The following SIAH3 variants were observed in gnomAD, a reference collection of about 807,000 sequenced individuals.
SIAH3 encodes siah E3 ubiquitin protein ligase family member 3, also known as seven in absentia homolog 3.
SIAH3 carries 9 observed loss-of-function variants against 12.6 expected under a neutral mutation model. The observed-to-expected ratio is 0.72, with a 90% CI of 0.43 to 1.25. The LOEUF (loss-of-function observed/expected upper bound fraction) is 1.25. SIAH3 is among the 50% of genes most tolerant of loss of function. The pLI is 0.00. For synonymous variants in SIAH3, 154 were observed against 151.1 expected (o/e 1.02, Z -0.14); for missense variants, 390 against 365.4 (o/e 1.07, Z -0.55).
At chr13:45,827,661 C>G (rs1042387267) in intron 1 of SIAH3, among the ~76,000 whole-genome samples, 2 of 152,120 alleles carry the variant, frequency 1.3e-5, no homozygotes, top group Non-Finnish European at 2.9e-5. Context: ...TAATGAGTCC[C>G]ATAGGCTTCA....
At position 45,779,494 on chromosome 13, in the gene SIAH3, G is replaced by A. The variant is rs1479645288; in HGVS notation, c.*3889C>T. 1 of 152,112 alleles carries A rather than the reference G, an allele frequency of 6.6e-6. No homozygotes were observed. The highest frequency in any genetic ancestry group is 1.5e-5 in the Non-Finnish European group (1 of 68,028). 9.4% of individuals were successfully genotyped at this position (152,112 alleles called of 1,614,324 possible). On this transcript the variant is annotated 3_prime_UTR_variant, in exon 2 of 2. Transcript: ENST00000400405. ...TCACACTTTATGACTCGGTCCTTCT[G>A]AGCCTTGGGTCCATATGTTCATAGA...
rs1950489895 is a variant in SIAH3 at position 45,777,833 on chromosome 13, C to T, written c.*5550G>A. On this transcript the variant is annotated 3_prime_UTR_variant, in exon 2 of 2. Transcript: ENST00000400405. ...CATCCAAGTAGAAACTTCAGCAACC[C>T]TCACTTCTTCCATCCCTTCCACTGA... is the stretch of plus-strand genomic sequence containing the variant. The T allele has an allele frequency of 1.3e-5, 2 of 152,242 alleles. No individual in the cohort carries two copies. Among genetic ancestry groups the T allele is most frequent in the Admixed American group, 6.5e-5 (1 of 15,282 alleles). The allele number at this position is 152,242 out of a possible 1,614,324, so 9.4% of individuals were successfully genotyped here.
intron 1 of SIAH3, among the ~76,000 whole-genome samples, chr13:45,851,054 C>T (rs1950779499): frequency 6.8e-6 from 1 of 146,360 alleles, no homozygotes; most frequent in Admixed American, 6.8e-5. Context: ...TTCCTCACCC[C>T]CCAGTAGCTT....
In SIAH3 at chr13:45,784,054, C is replaced by T; in HGVS notation, c.139G>A (p.Val47Met). 1.3e-6 allele frequency: 2 copies of T among 1,575,666 alleles called. No homozygotes were observed. Among genetic ancestry groups the T allele is most frequent in the South Asian group, 1.2e-5 (1 of 82,900 alleles). ...VVNPTHNLKY[V>M]SSRRAVTQSA... is the part of the protein sequence containing the mutation. ...TGAGTGACGGCGCGCCGACTGGACA[C>T]ATACTGTAAGGAAAGAGAAGAACGT... The change falls in exon 2 of 2, where the codon GTG becomes ATG. Residue 47 changes from valine to methionine, a missense_variant. Physicochemically the swap from Val to Met is conservative, Grantham distance 21 (BLOSUM62 1). Transcript: ENST00000400405.
intron 1 of SIAH3, 124 bp from the exon 2 acceptor site, chr13:45,784,181 TAAAC>T: frequency 1.1e-6 from 1 of 900,986 alleles, no homozygotes; most frequent in East Asian, 2.6e-5. Flanking sequence ...GTTCATTTCT[TAAAC>T]AACAAACAAA....
intron 1 of SIAH3, among the ~76,000 whole-genome samples, chr13:45,828,200 G>A (rs561465599): frequency 1.4e-4 from 21 of 152,240 alleles, no homozygotes; most frequent in African/African-American, 4.8e-4. Flanking sequence ...CTGACCTATG[G>A]GAGTGCTCTG....
At chr13:45,831,409 T>C (rs68065966) in intron 1 of SIAH3, among the ~76,000 whole-genome samples, 27,478 of 151,654 alleles carry the variant, frequency 0.18, 3,906 homozygotes, top group East Asian at 0.4. Context: ...ATGCGCAAAT[T>C]GATATTTGTA....
chr13:45,803,127 G>A (rs925530781), intron 1 of SIAH3, among the ~76,000 whole-genome samples: 1 of 151,996 alleles, frequency 6.6e-6, no homozygotes, highest in Admixed American at 6.6e-5. Context: ...GTGGGCAGGA[G>A]TGCCTTAATC....
chr13:45,840,831 G>T (rs982283924), intron 1 of SIAH3, among the ~76,000 whole-genome samples: 1 of 152,160 alleles, frequency 6.6e-6, no homozygotes, highest in Non-Finnish European at 1.5e-5. Context: ...ATCAAGACGC[G>T]CTTTAAAGCA....
chr13:45,779,960 A>G lies in SIAH3; in HGVS notation c.*3423T>C, dbSNP rs1281790998. 1 of 152,002 alleles carries G rather than the reference A, an allele frequency of 6.6e-6. No homozygotes were observed. Among genetic ancestry groups the G allele is most frequent in the Non-Finnish European group, 1.5e-5 (1 of 67,984 alleles). The allele number at this position is 152,002 out of a possible 1,614,324, so 9.4% of individuals were successfully genotyped here. A position where few individuals can be genotyped will look rare whatever the true frequency, so the allele number is the denominator to read the frequency against. On this transcript the variant is annotated 3_prime_UTR_variant, in exon 2 of 2. Transcript: ENST00000400405. Reference sequence around the variant, plus strand: ...AGGGGAGGAATGCTCCTCTCTCCACACCTCCTGAAAAAAACCTCTGGCAGA... The same window carrying G: ...AGGGGAGGAATGCTCCTCTCTCCACGCCTCCTGAAAAAAACCTCTGGCAGA...
intron 1 of SIAH3, among the ~76,000 whole-genome samples, chr13:45,842,231 C>T (rs185432363): frequency 1.3e-5 from 2 of 152,326 alleles, no homozygotes; most frequent in East Asian, 3.9e-4. Context: ...ACTTGGGTCA[C>T]ATTTTGTGCA....
At chr13:45,797,141 T>C (rs1394804379) in intron 1 of SIAH3, among the ~76,000 whole-genome samples, 2 of 119,914 alleles carry the variant, frequency 1.7e-5, no homozygotes, top group Admixed American at 7.4e-5. Flanking sequence ...ATCGTCTCTA[T>C]GCAGGTTTTT....
At chr13:45,794,734 C>A (rs1385414371) in intron 1 of SIAH3, among the ~76,000 whole-genome samples, 1 of 152,156 alleles carries the variant, frequency 6.6e-6, no homozygotes, top group Non-Finnish European at 1.5e-5. Context: ...AAACTGAGTC[C>A]ATTAAGCCTC....
chr13:45,835,209 GTGA>G (rs1950713732), intron 1 of SIAH3, among the ~76,000 whole-genome samples: 1 of 152,180 alleles, frequency 6.6e-6, no homozygotes, highest in Non-Finnish European at 1.5e-5. Flanking sequence ...TATTGTGATA[GTGA>G]CTATTTCCCA....
intron 1 of SIAH3, among the ~76,000 whole-genome samples, chr13:45,792,360 A>T (rs974810394): frequency 4.1e-5 from 6 of 145,804 alleles, no homozygotes; most frequent in Non-Finnish European, 7.5e-5. Context: ...GAAGGTATAA[A>T]TTTTTTTTTT....
At chr13:45,821,520 C>G (rs920150958) in intron 1 of SIAH3, among the ~76,000 whole-genome samples, 4 of 152,162 alleles carry the variant, frequency 2.6e-5, no homozygotes, top group African/African-American at 4.8e-5. Context: ...ACCTACTGCC[C>G]CATGGCCCAG....
In SIAH3 at chr13:45,784,065, G is replaced by A; in HGVS notation, c.136-8C>T. ...GCGCCGACTGGACACATACTGTAAGGAAAGAGAAGAACGTCAGTGCGGGGA... is the reference window on the plus strand; with the variant it reads ...GCGCCGACTGGACACATACTGTAAGAAAAGAGAAGAACGTCAGTGCGGGGA... On this transcript the variant is annotated splice_polypyrimidine_tract_variant and splice_region_variant and intron_variant, in intron 1 of 1. Coordinates refer to ENST00000400405, the MANE Select transcript of SIAH3 (RefSeq NM_198849.3). The A allele has an allele frequency of 1.3e-6, 2 of 1,563,380 alleles. No individual in the cohort carries two copies. Among genetic ancestry groups the A allele is most frequent in the Non-Finnish European group, 1.7e-6 (2 of 1,155,478 alleles).
chr13:45,819,692 G>A (rs1950648451), intron 1 of SIAH3, among the ~76,000 whole-genome samples: 1 of 152,170 alleles, frequency 6.6e-6, no homozygotes, highest in Non-Finnish European at 1.5e-5. Context: ...GGCTGGCTCT[G>A]GCTGCCTTGG....
In SIAH3 at chr13:45,783,951, AGGTGGTGGTGGTGGCGGT is replaced by A. The variant is rs1163652559; in HGVS notation, c.224_241del (p.His75_His80del). 8 of 1,601,268 alleles carry A rather than the reference AGGTGGTGGTGGTGGCGGT, an allele frequency of 5.0e-6. No homozygotes were observed. Among genetic ancestry groups the A allele is most frequent in the Non-Finnish European group, 4.3e-6 (5 of 1,172,764 alleles). The stretch of plus-strand genomic sequence containing the variant: ...GTGGTGGGGGTGGGCGTGGTGGCGG[AGGTGGTGGTGGTGGCGGT>A]GGTGGCAGTGGTGGTGGGAGAGATG... On this transcript the variant is annotated inframe_deletion, in exon 2 of 2. Coordinates refer to ENST00000400405, the MANE Select transcript of SIAH3 (RefSeq NM_198849.3).
Sources: allele counts gnomAD v4.1 joint callset (sites outside exome capture counted in the v4.1 genomes callset), GRCh38; gene constraint gnomAD v4.1.1; transcripts MANE v1.5; gene names NCBI Gene and HGNC (gene_info 2026-07-23, HGNC 2026-07-21).